ESYT2: variants seen among roughly 807,000 people sequenced by gnomAD.
The protein encoded by ESYT2 is extended synaptotagmin-2.
In ESYT2, 54 loss-of-function variants were observed where a neutral mutation model predicts 107.2. The observed-to-expected ratio is 0.50, with a 90% CI of 0.40 to 0.63. The LOEUF is 0.63. Ranked by LOEUF, ESYT2 falls within the 30% of genes least tolerant of loss-of-function variation. The pLI, the probability that ESYT2 is intolerant of heterozygous loss-of-function variation, is 0.00. For missense variants in ESYT2, 1,020 were observed against 1,094.5 expected, an observed-to-expected ratio of 0.93 and a Z score of 0.96; for synonymous variants, 491 against 434.1, an observed-to-expected ratio of 1.13 and a Z score of -1.63.
chr7:158,824,036 C>G (rs1840367583), intron 1 of ESYT2, among the ~76,000 whole-genome samples: 1 of 152,064 alleles, frequency 6.6e-6, no homozygotes, highest in Non-Finnish European at 1.5e-5. Context: ...TTGCATATAT[C>G]CTAAATTTAA....
chr7:158,792,160 C>CTT (rs113589859), intron 4 of ESYT2, among the ~76,000 whole-genome samples: 6 of 123,364 alleles, frequency 4.9e-5, no homozygotes, highest in African/African-American at 1.5e-4. Flanking sequence ...TCCACGAGTT[C>CTT]TTTTTTTTTT....
intron 7 of ESYT2, among the ~76,000 whole-genome samples, chr7:158,769,574 C>T (rs990563393): frequency 2.0e-5 from 3 of 152,248 alleles, no homozygotes; most frequent in Non-Finnish European, 1.5e-5. Context: ...TTCGGAACCA[C>T]GACTACTCAT....
intron 1 of ESYT2, among the ~76,000 whole-genome samples, chr7:158,828,421 G>C (rs542555335): frequency 5.8e-4 from 88 of 152,364 alleles, no homozygotes; most frequent in African/African-American, 2.0e-3. Flanking sequence ...CCCCGCGGGC[G>C]GCACCAGGAG....
chr7:158,743,761 T>G, intron 16 of ESYT2, 83 bp from the exon 17 acceptor site: 1 of 1,437,292 alleles, frequency 7.0e-7, no homozygotes, highest in Non-Finnish European at 9.2e-7. Context: ...TCCTGACCCT[T>G]TGTCCTCAGA....
intron 4 of ESYT2, among the ~76,000 whole-genome samples, chr7:158,789,058 G>T (rs1429577607): frequency 6.6e-6 from 1 of 152,208 alleles, no homozygotes. Context: ...CCATGGGTTA[G>T]TGTAGGACCT....
chr7:158,754,884 G>A (rs886506023), intron 13 of ESYT2, among the ~76,000 whole-genome samples: 2 of 152,098 alleles, frequency 1.3e-5, no homozygotes, highest in African/African-American at 4.8e-5. Context: ...ATGAGGGTCT[G>A]GAGATTAAAC....
rs542579759 is a variant in ESYT2, at chr7:158,778,195, G to C, written c.748-4799C>G. Among the ~76,000 whole-genome samples the C allele has an allele frequency of 2.6e-5, 4 of 152,268 alleles. No individual in the cohort carries two copies. The East Asian group carries it at 5.8e-4, about 22-fold the overall frequency. On this transcript the variant is annotated intron_variant, in intron 6 of 22. Coordinates refer to ENST00000275418, the MANE Select transcript of ESYT2 (RefSeq NM_001367773.1). Reference sequence around the variant, plus strand: ...GAAACAGAATTAACAACTCTCTTAAGAGCATTTTTCAATGTCATTATCTTT... The same window carrying C: ...GAAACAGAATTAACAACTCTCTTAACAGCATTTTTCAATGTCATTATCTTT...
Position 158,783,381 on chromosome 7 carries a change from T to C in ESYT2, c.747+4623A>G, listed in dbSNP as rs530138542. Among the ~76,000 whole-genome samples, 19 of 152,318 alleles carry C rather than the reference T, an allele frequency of 1.2e-4. No homozygotes were observed. In the South Asian group the frequency reaches 3.7e-3, roughly 30 times the overall value. ...CTGTATGCCTGGCATCCTGGCTGCATTGAGCTCCACAGTTCAGAACAAGAA... is the reference window on the plus strand; with the variant it reads ...CTGTATGCCTGGCATCCTGGCTGCACTGAGCTCCACAGTTCAGAACAAGAA... On this transcript the variant is annotated intron_variant, in intron 6 of 22. Transcript: ENST00000275418.
intron 6 of ESYT2, among the ~76,000 whole-genome samples, chr7:158,783,309 G>A (rs1838991732): frequency 6.6e-6 from 1 of 152,130 alleles, no homozygotes; most frequent in African/African-American, 2.4e-5. Context: ...TGACGGGTGT[G>A]GGTAACGTTT....
In ESYT2 at chr7:158,749,667, G is replaced by T. The variant is rs763751305; in HGVS notation, c.1539C>A (p.His513Gln). Reference sequence around the variant, plus strand: ...ACCTTACCTTGCTCTCCTGGGCCTTGTGCCCAACTGACATCTGGACAACAG... The same window carrying T: ...ACCTTACCTTGCTCTCCTGGGCCTTTTGCCCAACTGACATCTGGACAACAG... ...PNPVVQMSVG[H>Q]KAQESKIRYK... Residue 513 changes from histidine (H) to glutamine (Q), a missense_variant, in exon 15 of 23, where the codon CAC becomes CAA. Coordinates refer to ENST00000275418, the MANE Select transcript of ESYT2 (RefSeq NM_001367773.1). The T allele has an allele frequency of 6.2e-7, 1 of 1,613,956 alleles. No individual in the cohort carries two copies.
rs148260437 is a variant in ESYT2 at position 158,733,949 on chromosome 7, G to T, written c.*258C>A. 1.3e-4 allele frequency: 63 copies of T among 492,108 alleles called. No individual in the cohort carries two copies. In the East Asian group the frequency reaches 2.4e-3, roughly 19 times the overall value. 30.5% of individuals were successfully genotyped at this position (492,108 alleles called of 1,614,324 possible). A position where few individuals can be genotyped will look rare whatever the true frequency, so the allele number is the denominator to read the frequency against. The stretch of plus-strand genomic sequence containing the variant: ...ACTCCTACGGACACAGCTGAGCAGA[G>T]TCCACAGACACAAGAGCTACCGCCG... On this transcript the variant is annotated 3_prime_UTR_variant, in exon 23 of 23. Transcript: ENST00000275418.
chr7:158,739,925 G>C (rs200095302), intron 18 of ESYT2, among the ~76,000 whole-genome samples: 64 of 152,132 alleles, frequency 4.2e-4, no homozygotes, highest in African/African-American at 1.5e-3. Flanking sequence ...GCCATGCCAG[G>C]CAAGGGTAAG....
intron 13 of ESYT2, among the ~76,000 whole-genome samples, chr7:158,756,356 G>C (rs555032521): frequency 2.0e-5 from 3 of 152,218 alleles, no homozygotes; most frequent in Admixed American, 2.0e-4. Context: ...AACATATGAT[G>C]AGATGGGAAC....
intron 3 of ESYT2, 27 bp downstream of exon 3, chr7:158,797,915 C>T (rs369363292): frequency 1.5e-5 from 24 of 1,608,400 alleles, no homozygotes; most frequent in Non-Finnish European, 1.8e-5. Context: ...ACTGTGTGCA[C>T]GTGAGGATAC....
Position 158,741,404 on chromosome 7 carries a change from G to C in ESYT2, c.2168+119C>G. On this transcript the variant is annotated intron_variant, in intron 18 of 22. Coordinates refer to ENST00000275418, the MANE Select transcript of ESYT2 (RefSeq NM_001367773.1). The stretch of plus-strand genomic sequence containing the variant: ...AGTGCTTTCAGTTAACCTAAGATTA[G>C]GCCTCCCTCCCCAAAGCATGCCGGC... 2.1e-6 allele frequency: 3 copies of C among 1,407,168 alleles called. No individual in the cohort carries two copies. The East Asian group carries it at 7.1e-5, about 34-fold the overall frequency. The allele number at this position is 1,407,168 out of a possible 1,614,324, so 87.2% of individuals were successfully genotyped here. A position where few individuals can be genotyped will look rare whatever the true frequency, so the allele number is the denominator to read the frequency against.
chr7:158,828,875 C>T (rs1297127613), intron 1 of ESYT2, among the ~76,000 whole-genome samples: 1 of 147,626 alleles, frequency 6.8e-6, no homozygotes, highest in African/African-American at 2.5e-5. Context: ...AGGAACCGGC[C>T]CGGGGGCCGG....
At chr7:158,784,181 C>G (rs986047609) in intron 6 of ESYT2, among the ~76,000 whole-genome samples, 1 of 152,212 alleles carries the variant, frequency 6.6e-6, no homozygotes, top group African/African-American at 2.4e-5. Flanking sequence ...ATAATATAAA[C>G]ATCAAACCAC....
intron 1 of ESYT2, among the ~76,000 whole-genome samples, chr7:158,803,110 CGA>C (rs59384993): frequency 0.11 from 17,223 of 152,276 alleles, 1,468 homozygotes; most frequent in East Asian, 0.43. Context: ...GCACAGCAAT[CGA>C]GAGTGTGCCC....
chr7:158,788,135 T>A (rs1326274345), intron 5 of ESYT2, 42 bp from the exon 6 acceptor site: 3 of 1,526,454 alleles, frequency 2.0e-6, no homozygotes. Flanking sequence ...TAGAAAACAT[T>A]CTGCAGGGCC....
Sources: allele counts gnomAD v4.1 joint callset (sites outside exome capture counted in the v4.1 genomes callset), GRCh38; gene constraint gnomAD v4.1.1; transcripts MANE v1.5; gene names NCBI Gene and HGNC (gene_info 2026-07-23, HGNC 2026-07-21).